The following RYR3 variants were observed in gnomAD, a reference collection of about 807,000 sequenced individuals.
RYR3 encodes ryanodine receptor 3, also known as brain ryanodine receptor-calcium release channel.
Under a neutral mutation model 584.3 loss-of-function variants are expected in RYR3, and 207 were observed. The ratio of observed to expected loss-of-function variants is 0.35; its 90% CI spans 0.32 to 0.40. RYR3 has a LOEUF of 0.40. RYR3 is among the 10% of genes least tolerant of loss of function. RYR3 has a pLI of 1.00. For synonymous variants in RYR3, 2,416 were observed against 2,248.5 expected (o/e 1.07, Z -2.11); for missense variants, 5,616 against 6,089.2 (o/e 0.92, Z 2.59).
rs763891319 is a variant in RYR3 at position 33,746,116 on chromosome 15, A to T, written c.7948A>T (p.Thr2650Ser). ...YGISLDENVK[T>S]HPLIRPFKTL... ...GATTTCCCTGGATGAAAATGTGAAG[A>T]CCCACCCACTGATAAGGCCTTTCAA... Residue 2650 changes from threonine (T) to serine (S), a missense_variant, in exon 53 of 104, where the codon ACC (threonine) becomes TCC (serine). Physicochemically the swap from Thr to Ser is moderately conservative, Grantham distance 58. Coordinates refer to ENST00000634891, the MANE Select transcript of RYR3 (RefSeq NM_001036.6). 2 of 1,600,826 alleles carry T rather than the reference A, an allele frequency of 1.2e-6. No homozygotes were observed. Among genetic ancestry groups the T allele is most frequent in the South Asian group, 2.3e-5 (2 of 87,754 alleles).
Position 33,461,079 on chromosome 15 carries a change from T to G in RYR3, c.52-12340T>G, listed in dbSNP as rs1044825792. ...CCTGCCTCAGCCTCCCGAGTAGCTG[T>G]AACTACAGGCACCCGCCACCACGCC... On this transcript the variant is annotated intron_variant, in intron 1 of 103. Transcript: ENST00000634891. Among the ~76,000 whole-genome samples the G allele has an allele frequency of 6.0e-5, 9 of 151,184 alleles. No individual in the cohort carries two copies. The East Asian group carries it at 7.8e-4, about 13-fold the overall frequency.
chr15:33,380,793 C>T (rs141895286), intron 1 of RYR3, among the ~76,000 whole-genome samples: 2,587 of 152,326 alleles, frequency 0.017, 34 homozygotes, highest in Non-Finnish European at 0.027. Flanking sequence ...CCAAGCCTTA[C>T]ACGGAGACCC....
intron 67 of RYR3, among the ~76,000 whole-genome samples, 170 bp downstream of exon 67, chr15:33,788,628 G>A (rs1240515040): frequency 6.6e-6 from 1 of 152,224 alleles, no homozygotes; most frequent in East Asian, 1.9e-4. Flanking sequence ...GGAGCTCTGG[G>A]CATTGCTTTC....
chr15:33,508,261 A>G lies in RYR3; in HGVS notation c.279+4523A>G, dbSNP rs571529702. Among the ~76,000 whole-genome samples, 16 of 152,332 alleles carry G rather than the reference A, an allele frequency of 1.1e-4. No homozygotes were observed. In the South Asian group the frequency reaches 3.1e-3, roughly 30 times the overall value. ...ATAAAACTAATTGTATAGTTGCCAC[A>G]TGAACATGACACTTTATCCATGTCC... On this transcript the variant is annotated intron_variant, in intron 3 of 103. Transcript: ENST00000634891.
At chr15:33,790,140 A>G (rs1213607821) in intron 67 of RYR3, among the ~76,000 whole-genome samples, 5 of 151,046 alleles carry the variant, frequency 3.3e-5, no homozygotes, top group African/African-American at 1.2e-4. Context: ...ACAGGCGCAC[A>G]CCACCACGCC....
In RYR3 at chr15:33,810,667, C is replaced by G; in HGVS notation, c.10197+18C>G. Reference sequence around the variant, plus strand: ...ACAGCCATGTAAGCTGCCCGTCTGCCTGGGCTGAGTGTGTGATCCACATGG... The same window carrying G: ...ACAGCCATGTAAGCTGCCCGTCTGCGTGGGCTGAGTGTGTGATCCACATGG... On this transcript the variant is annotated intron_variant, in intron 71 of 103. Transcript: ENST00000634891. 3.7e-6 allele frequency: 6 copies of G among 1,613,836 alleles called. No individual in the cohort carries two copies. Among genetic ancestry groups the G allele is most frequent in the Non-Finnish European group, 5.1e-6 (6 of 1,179,800 alleles).
intron 16 of RYR3, among the ~76,000 whole-genome samples, chr15:33,590,011 A>G (rs1567610016): frequency 6.6e-6 from 1 of 151,882 alleles, no homozygotes; most frequent in African/African-American, 2.4e-5. Context: ...GTGAAGAGAG[A>G]TAGGGGTGGG....
chr15:33,359,288 C>T lies in RYR3; in HGVS notation c.51+48192C>T, dbSNP rs557895953. Among the ~76,000 whole-genome samples the T allele has an allele frequency of 5.9e-5, 9 of 152,364 alleles. No individual in the cohort carries two copies. In the South Asian group the frequency reaches 1.0e-3, roughly 18 times the overall value. On this transcript the variant is annotated intron_variant, in intron 1 of 103. Transcript: ENST00000634891. ...CAACAAACAGACAAAGGCCTCTACT[C>T]ACTTTCCAGCGTACTTAAATTCCAA...
chr15:33,634,066 T>G (rs1368178218), intron 24 of RYR3, among the ~76,000 whole-genome samples: 3 of 152,260 alleles, frequency 2.0e-5, no homozygotes, highest in African/African-American at 7.2e-5. Context: ...TTTGTTTTTT[T>G]AATGAGACAG....
chr15:33,583,158 T>C (rs2058678764), intron 14 of RYR3, among the ~76,000 whole-genome samples: 1 of 152,182 alleles, frequency 6.6e-6, no homozygotes, highest in Admixed American at 6.5e-5. Flanking sequence ...TCAGTAAAGC[T>C]GGATGAGGCC....
chr15:33,620,452 C>T (rs1346193694), intron 19 of RYR3, among the ~76,000 whole-genome samples: 3 of 152,154 alleles, frequency 2.0e-5, no homozygotes, highest in Non-Finnish European at 2.9e-5. Context: ...GTATATACTA[C>T]ATAGTTGACT....
At chr15:33,313,115 G>C (rs545209442) in intron 1 of RYR3, among the ~76,000 whole-genome samples, 1 of 152,148 alleles carries the variant, frequency 6.6e-6, no homozygotes, top group Non-Finnish European at 1.5e-5. Flanking sequence ...TGGCGTTATT[G>C]GTTCTTTTCC....
At chr15:33,411,861 G>A (rs1238324537) in intron 1 of RYR3, among the ~76,000 whole-genome samples, 5 of 152,168 alleles carry the variant, frequency 3.3e-5, no homozygotes, top group Admixed American at 6.5e-5. Flanking sequence ...AGAAAATAGG[G>A]ATAAGACTGT....
intron 38 of RYR3, among the ~76,000 whole-genome samples, chr15:33,694,236 T>C (rs1438425834): frequency 6.6e-6 from 1 of 152,076 alleles, no homozygotes; most frequent in African/African-American, 2.4e-5. Flanking sequence ...ACAAATCTAT[T>C]ATTACTAGTT....
At chr15:33,546,234 G>A (rs1222494433) in intron 8 of RYR3, among the ~76,000 whole-genome samples, 1 of 152,092 alleles carries the variant, frequency 6.6e-6, no homozygotes, top group Non-Finnish European at 1.5e-5. Context: ...CAGCTCCAGC[G>A]CTGTTTCACC....
chr15:33,467,249 G>A (rs992017483), intron 1 of RYR3, among the ~76,000 whole-genome samples: 5 of 152,216 alleles, frequency 3.3e-5, no homozygotes, highest in Admixed American at 6.5e-5. Context: ...ATGGCACTCT[G>A]TCCCACGTGC....
At chr15:33,433,392 T>C (rs948343236) in intron 1 of RYR3, among the ~76,000 whole-genome samples, 36 of 152,288 alleles carry the variant, frequency 2.4e-4, no homozygotes, top group African/African-American at 8.4e-4. Context: ...TCTAAAGCTA[T>C]TTTGGTCATT....
intron 67 of RYR3, among the ~76,000 whole-genome samples, chr15:33,798,911 T>G (rs1180811106): frequency 1.3e-5 from 2 of 152,184 alleles, no homozygotes; most frequent in Admixed American, 6.5e-5. Flanking sequence ...AGCCTGGTGC[T>G]CCTCATGAAT....
Position 33,406,106 on chromosome 15 carries a change from G to A in RYR3, c.52-67313G>A, listed in dbSNP as rs143689292. ...TCTGAGTTACCTGCTAACTGCTATGGCTGGAAAGAGTGTCTAATGGCAGTA... is the reference window on the plus strand; with the variant it reads ...TCTGAGTTACCTGCTAACTGCTATGACTGGAAAGAGTGTCTAATGGCAGTA... On this transcript the variant is annotated intron_variant, in intron 1 of 103. Transcript: ENST00000634891. Among the ~76,000 whole-genome samples, 101 of 152,330 alleles carry A rather than the reference G, an allele frequency of 6.6e-4. 1 individual carries two copies. The East Asian group carries it at 8.5e-3, about 13-fold the overall frequency.
Sources: gnomAD v4.1 joint callset for allele counts (sites outside exome capture counted in the v4.1 genomes callset) on GRCh38, gnomAD v4.1.1 for gene constraint, MANE v1.5 for transcripts, NCBI Gene and HGNC (gene_info 2026-07-23, HGNC 2026-07-21) for gene names.